Variants in IFT80 observed in about 807,000 individuals in gnomAD.
The protein encoded by IFT80 is intraflagellar transport protein 80 homolog.
In IFT80, 79 loss-of-function variants were observed where a neutral mutation model predicts 107.9. The observed-to-expected ratio is 0.73, with a 90% CI of 0.61 to 0.88. IFT80 has a LOEUF of 0.88. Ranked by LOEUF, IFT80 falls within the 40% of genes least tolerant of loss-of-function variation. The pLI is 0.00. For synonymous variants in IFT80, 299 were observed against 300.9 expected (o/e 0.99, Z 0.07); for missense variants, 797 against 914.2 (o/e 0.87, Z 1.65).
At chr3:160,291,626 TG>T (rs756078613) in intron 12 of IFT80, among the ~76,000 whole-genome samples, 22 of 152,224 alleles carry the variant, frequency 1.4e-4, no homozygotes, top group Non-Finnish European at 2.6e-4. Flanking sequence ...ATAAGCGTGG[TG>T]GGCTGCACTG....
At chr3:160,296,800 C>T (rs927163217) in intron 12 of IFT80, among the ~76,000 whole-genome samples, 2 of 152,108 alleles carry the variant, frequency 1.3e-5, no homozygotes, top group Non-Finnish European at 2.9e-5. Context: ...TATTTTTAGT[C>T]TTGACCTCCC....
At chr3:160,290,021 T>A (rs1459614332) in intron 12 of IFT80, among the ~76,000 whole-genome samples, 2 of 152,268 alleles carry the variant, frequency 1.3e-5, no homozygotes, top group Middle Eastern at 3.4e-3. Flanking sequence ...CTGGAGAGTT[T>A]GAACAGACTT....
intron 12 of IFT80, among the ~76,000 whole-genome samples, chr3:160,290,260 T>C (rs1029785027): frequency 1.3e-5 from 2 of 151,582 alleles, no homozygotes; most frequent in African/African-American, 4.9e-5. Flanking sequence ...TACAAAAAAT[T>C]AGCTGGGCGT....
chr3:160,329,212 T>A (rs1383468793), intron 8 of IFT80, among the ~76,000 whole-genome samples: 1 of 152,196 alleles, frequency 6.6e-6, no homozygotes, highest in East Asian at 1.9e-4. Flanking sequence ...TAATTTTTAT[T>A]GGTAAATAAA....
At chr3:160,327,563 A>G (rs543133413) in intron 8 of IFT80, among the ~76,000 whole-genome samples, 2 of 152,282 alleles carry the variant, frequency 1.3e-5, no homozygotes, top group Non-Finnish European at 2.9e-5. Flanking sequence ...ACCTGACAAA[A>G]CAAGCAATGA....
chr3:160,302,425 T>C (rs1188639082), intron 11 of IFT80, among the ~76,000 whole-genome samples: 5 of 152,044 alleles, frequency 3.3e-5, no homozygotes, highest in African/African-American at 1.2e-4. Context: ...AAGTGACATA[T>C]ATTAGTATAT....
intron 9 of IFT80, among the ~76,000 whole-genome samples, chr3:160,319,133 G>A (rs1718024736): frequency 6.6e-6 from 1 of 151,984 alleles, no homozygotes; most frequent in Non-Finnish European, 1.5e-5. Context: ...CATTTCCTCA[G>A]GAAGGCTCCA....
chr3:160,384,322 G>T, intron 2 of IFT80: 2 of 936,774 alleles, frequency 2.1e-6, no homozygotes, highest in East Asian at 6.9e-5. Flanking sequence ...TTTAAGTATA[G>T]TACTTAAGTA....
At position 160,289,347 on chromosome 3, in the gene IFT80, T is replaced by C. The variant is rs1230627676; in HGVS notation, c.1316-3479A>G. On this transcript the variant is annotated intron_variant, in intron 12 of 19. Coordinates refer to ENST00000326448, the MANE Select transcript of IFT80 (RefSeq NM_020800.3). ...GGAGAGGATCAGAAAAAATAATTATTGGGTACTAGGCTTAGTAACTAGGTG... is the reference window on the plus strand; with the variant it reads ...GGAGAGGATCAGAAAAAATAATTATCGGGTACTAGGCTTAGTAACTAGGTG... Among the ~76,000 whole-genome samples the C allele has an allele frequency of 2.6e-5, 4 of 152,116 alleles. No individual in the cohort carries two copies. The East Asian group carries it at 7.7e-4, about 29-fold the overall frequency.
intron 12 of IFT80, among the ~76,000 whole-genome samples, chr3:160,286,881 G>A (rs957916399): frequency 3.3e-5 from 5 of 151,948 alleles, no homozygotes; most frequent in African/African-American, 1.2e-4. Flanking sequence ...AATTTCCTGA[G>A]TGATTAGAGT....
intron 6 of IFT80, among the ~76,000 whole-genome samples, chr3:160,362,952 T>G (rs951882094): frequency 3.3e-5 from 5 of 152,276 alleles, no homozygotes; most frequent in African/African-American, 9.6e-5. Flanking sequence ...CTTTGAAAAC[T>G]GGCACAAGAC....
chr3:160,261,746 A>G (rs73875248), intron 19 of IFT80, among the ~76,000 whole-genome samples: 22,716 of 149,664 alleles, frequency 0.15, 3,931 homozygotes, highest in African/African-American at 0.43. Context: ...AGGCCACAGT[A>G]AGCTGTCATT....
At chr3:160,301,416 G>C (rs555176248) in intron 11 of IFT80, among the ~76,000 whole-genome samples, 1 of 151,804 alleles carries the variant, frequency 6.6e-6, no homozygotes, top group South Asian at 2.1e-4. Flanking sequence ...TTTTAATGCC[G>C]GGTGCTATTT....
intron 14 of IFT80, among the ~76,000 whole-genome samples, chr3:160,281,566 G>C (rs1208568129): frequency 6.6e-6 from 1 of 152,278 alleles, no homozygotes; most frequent in South Asian, 2.1e-4. Flanking sequence ...GCCAGTGCCA[G>C]GGAAAGGTAG....
intron 12 of IFT80, among the ~76,000 whole-genome samples, chr3:160,300,496 C>T (rs1265378838): frequency 6.6e-6 from 1 of 151,858 alleles, no homozygotes; most frequent in Non-Finnish European, 1.5e-5. Flanking sequence ...TTAAATAGTT[C>T]AATGAAGTGC....
intron 8 of IFT80, among the ~76,000 whole-genome samples, chr3:160,340,560 T>C (rs1008395053): frequency 5.9e-5 from 9 of 152,202 alleles, no homozygotes; most frequent in African/African-American, 1.9e-4. Context: ...GAGGTCCCCA[T>C]TTCCTTGCTG....
intron 8 of IFT80, among the ~76,000 whole-genome samples, chr3:160,336,654 G>T (rs1395978087): frequency 6.6e-6 from 1 of 151,850 alleles, no homozygotes; most frequent in Admixed American, 6.6e-5. Context: ...AATATATGAA[G>T]ATACACTTTC....
chr3:160,317,331 A>C (rs1717895289), intron 9 of IFT80, among the ~76,000 whole-genome samples: 1 of 152,130 alleles, frequency 6.6e-6, no homozygotes, highest in African/African-American at 2.4e-5. Flanking sequence ...AACTTTAAAA[A>C]TTTATAAATA....
rs561789836 is a variant in IFT80, at chr3:160,293,898, C to T, written c.1315+6985G>A. ...TCAAACCCCAAAAGTATTCTCTAGA[C>T]ACCAAAACTGAAAGCTCAGTGGAGC... On this transcript the variant is annotated intron_variant, in intron 12 of 19. Transcript: ENST00000326448. Among the ~76,000 whole-genome samples the T allele has an allele frequency of 1.8e-4, 27 of 152,326 alleles. No homozygotes were observed. In the South Asian group the frequency reaches 5.4e-3, roughly 30 times the overall value.
Sources: gnomAD v4.1 joint callset for allele counts (sites outside exome capture counted in the v4.1 genomes callset) on GRCh38, gnomAD v4.1.1 for gene constraint, MANE v1.5 for transcripts, NCBI Gene and HGNC (gene_info 2026-07-23, HGNC 2026-07-21) for gene names.